The following EDIL3 variants were observed in gnomAD, a reference collection of about 807,000 sequenced individuals.
EDIL3 encodes EGF like and discoidin domains 3.
In EDIL3, 37 loss-of-function variants were observed where a neutral mutation model predicts 67.4. That is an observed-to-expected ratio of 0.55 (90% CI 0.42 to 0.72). The LOEUF is 0.72. EDIL3 is among the 30% of genes least tolerant of loss of function. The pLI is 0.00. For missense variants in EDIL3, 527 were observed against 586.3 expected, an observed-to-expected ratio of 0.90 and a Z score of 1.04; for synonymous variants, 195 against 196.3, an observed-to-expected ratio of 0.99 and a Z score of 0.05.
At chr5:84,172,535 G>A (rs1401934461) in intron 4 of EDIL3, among the ~76,000 whole-genome samples, 1 of 151,860 alleles carries the variant, frequency 6.6e-6, no homozygotes, top group Non-Finnish European at 1.5e-5. Flanking sequence ...AGCCAGGATT[G>A]CACACCACTG....
At chr5:84,003,490 G>A (rs1222641190) in intron 9 of EDIL3, among the ~76,000 whole-genome samples, 2 of 152,142 alleles carry the variant, frequency 1.3e-5, no homozygotes, top group African/African-American at 2.4e-5. Context: ...CTGCAAATGC[G>A]AGGAAATATA....
At chr5:84,131,613 A>G (rs1038507532) in intron 5 of EDIL3, among the ~76,000 whole-genome samples, 37 of 152,310 alleles carry the variant, frequency 2.4e-4, no homozygotes, top group African/African-American at 8.7e-4. Context: ...TCTGCTCTAT[A>G]AAATGGAATC....
At chr5:84,084,317 G>A (rs1018631329) in intron 6 of EDIL3, among the ~76,000 whole-genome samples, 3 of 152,114 alleles carry the variant, frequency 2.0e-5, no homozygotes, top group Non-Finnish European at 2.9e-5. Context: ...GTTTTCTAAC[G>A]TTGAAGAATA....
intron 10 of EDIL3, among the ~76,000 whole-genome samples, chr5:83,956,605 T>C (rs1238263460): frequency 6.6e-6 from 1 of 151,806 alleles, no homozygotes; most frequent in African/African-American, 2.4e-5. Context: ...AGATATTTCC[T>C]GATACATTTC....
rs188185367 is a variant in EDIL3 at position 84,133,835 on chromosome 5, A to G, written c.469+3406T>C. ...ATAAATAAACTAAAAAAGAATTGAG[A>G]TCTTCCAAAGTAAATAAATTGTATG... On this transcript the variant is annotated intron_variant, in intron 5 of 10. Coordinates refer to ENST00000296591, the MANE Select transcript of EDIL3 (RefSeq NM_005711.5). Among the ~76,000 whole-genome samples the G allele has an allele frequency of 3.6e-4, 55 of 152,200 alleles. 1 individual carries two copies. The highest frequency in any genetic ancestry group is 1.3e-3 in the African/African-American group (54 of 41,572).
intron 2 of EDIL3, among the ~76,000 whole-genome samples, chr5:84,234,158 C>T (rs533884462): frequency 6.6e-6 from 1 of 152,342 alleles, no homozygotes; most frequent in African/African-American, 2.4e-5. Context: ...GAAGTACACA[C>T]AGCCTCAGGC....
At chr5:84,305,738 G>C (rs1286755105) in intron 1 of EDIL3, among the ~76,000 whole-genome samples, 2 of 152,100 alleles carry the variant, frequency 1.3e-5, no homozygotes, top group Non-Finnish European at 2.9e-5. Context: ...AATTAGCCAG[G>C]CGTGGTGGCA....
At chr5:84,250,772 A>T (rs1483099904) in intron 2 of EDIL3, among the ~76,000 whole-genome samples, 1 of 152,236 alleles carries the variant, frequency 6.6e-6, no homozygotes, top group Non-Finnish European at 1.5e-5. Context: ...TTTTCTAAGC[A>T]AATATAAATG....
chr5:83,961,218 T>C (rs1334940252), intron 10 of EDIL3, among the ~76,000 whole-genome samples: 1 of 150,986 alleles, frequency 6.6e-6, no homozygotes, highest in Non-Finnish European at 1.5e-5. Context: ...AGCTTCAAAA[T>C]ACATCAAGCA....
At chr5:84,181,128 A>C (rs1320669415) in intron 3 of EDIL3, 1 of 152,234 alleles carries the variant, frequency 6.6e-6, no homozygotes, top group African/African-American at 2.4e-5. Flanking sequence ...CTGCCAATCT[A>C]AAACGAGCAG....
intron 1 of EDIL3, among the ~76,000 whole-genome samples, chr5:84,307,949 T>G (rs1269525403): frequency 3.9e-5 from 6 of 152,134 alleles, no homozygotes; most frequent in Admixed American, 3.9e-4. Context: ...TAGAACTAGA[T>G]CAATGTAGGA....
At chr5:84,235,435 T>A (rs1177208744) in intron 2 of EDIL3, among the ~76,000 whole-genome samples, 3 of 152,156 alleles carry the variant, frequency 2.0e-5, no homozygotes, top group Non-Finnish European at 4.4e-5. Flanking sequence ...ATTTGGAGAA[T>A]GGCATCCATT....
At chr5:83,955,329 T>C (rs1580250814) in intron 10 of EDIL3, among the ~76,000 whole-genome samples, 1 of 151,738 alleles carries the variant, frequency 6.6e-6, no homozygotes, top group East Asian at 2.0e-4. Flanking sequence ...AAACAACATT[T>C]AAATTATTTT....
chr5:84,058,188 T>G lies in EDIL3; in HGVS notation c.1137+2112A>C, dbSNP rs551151893. ...AGAAGGAGATAGTACTTGGTTTGAG[T>G]ACAAGCAAATTTAGAAGAGTAGGGT... is the stretch of plus-strand genomic sequence containing the variant. On this transcript the variant is annotated intron_variant, in intron 9 of 10. Transcript: ENST00000296591. 9.9e-5 allele frequency among the ~76,000 whole-genome samples: 15 copies of G among 152,098 alleles called. No individual in the cohort carries two copies. In the South Asian group the frequency reaches 2.3e-3, roughly 23 times the overall value.
chr5:84,325,935 T>A lies in EDIL3; in HGVS notation c.67+58373A>T, dbSNP rs192177445. On this transcript the variant is annotated intron_variant, in intron 1 of 10. Coordinates refer to ENST00000296591, the MANE Select transcript of EDIL3 (RefSeq NM_005711.5). Reference sequence around the variant, plus strand: ...CACTTAGATGATGCTATGGTTTGAATGTGTCCCACAAATTTCATGTGAGAT... The same window carrying A: ...CACTTAGATGATGCTATGGTTTGAAAGTGTCCCACAAATTTCATGTGAGAT... Among the ~76,000 whole-genome samples, 254 of 152,228 alleles carry A rather than the reference T, an allele frequency of 1.7e-3. 2 individuals carry two copies. Among genetic ancestry groups the A allele is most frequent in the Non-Finnish European group, 1.2e-3 (80 of 67,978 alleles).
At chr5:83,995,458 T>C (rs1322161399) in intron 9 of EDIL3, among the ~76,000 whole-genome samples, 4 of 152,116 alleles carry the variant, frequency 2.6e-5, no homozygotes, top group African/African-American at 7.2e-5. Flanking sequence ...GTCTATAGAG[T>C]AGAATTATCC....
intron 9 of EDIL3, among the ~76,000 whole-genome samples, chr5:83,996,592 G>A (rs1745242123): frequency 6.6e-6 from 1 of 152,166 alleles, no homozygotes; most frequent in South Asian, 2.1e-4. Flanking sequence ...CTTTTGCTAG[G>A]TTCTGGGTAC....
intron 6 of EDIL3, among the ~76,000 whole-genome samples, chr5:84,094,485 C>T (rs553610365): frequency 6.6e-6 from 1 of 151,874 alleles, no homozygotes; most frequent in South Asian, 2.1e-4. Flanking sequence ...TGTAATTCAG[C>T]TTCTGTAACT....
At chr5:84,170,043 C>T (rs1040618834) in intron 4 of EDIL3, among the ~76,000 whole-genome samples, 2 of 152,188 alleles carry the variant, frequency 1.3e-5, no homozygotes, top group East Asian at 3.9e-4. Flanking sequence ...CAGATTAGTG[C>T]TTTGCACTGA....
Sources: gnomAD v4.1 joint callset for allele counts (sites outside exome capture counted in the v4.1 genomes callset) on GRCh38, gnomAD v4.1.1 for gene constraint, MANE v1.5 for transcripts, NCBI Gene and HGNC (gene_info 2026-07-23, HGNC 2026-07-21) for gene names.